AK9: variants seen among roughly 807,000 people sequenced by gnomAD.
The protein encoded by AK9 is adenylate kinase domain containing 1.
A neutral mutation model predicts 239.6 loss-of-function variants in AK9; 191 were observed. The observed-to-expected ratio is 0.80, with a 90% CI of 0.71 to 0.90. AK9 has a LOEUF of 0.90. Ranked by LOEUF, AK9 falls within the 40% of genes least tolerant of loss-of-function variation. The pLI, the probability that AK9 is intolerant of heterozygous loss-of-function variation, is 0.00. For synonymous variants in AK9, 689 were observed against 721.0 expected, an observed-to-expected ratio of 0.96 and a Z score of 0.71; for missense variants, 1,995 against 2,214.7, an observed-to-expected ratio of 0.90 and a Z score of 1.99.
intron 8 of AK9, among the ~76,000 whole-genome samples, chr6:109,649,165 C>T (rs1458423978): frequency 2.0e-5 from 3 of 152,072 alleles, no homozygotes; most frequent in East Asian, 1.9e-4. Context: ...GGAAGCATTC[C>T]CTTTGAAAAC....
chr6:109,682,625 C>T (rs1223471207), intron 1 of AK9, among the ~76,000 whole-genome samples: 1 of 151,984 alleles, frequency 6.6e-6, no homozygotes, highest in African/African-American at 2.4e-5. Context: ...AAACACCTCT[C>T]AGCAAATAAA....
intron 19 of AK9, among the ~76,000 whole-genome samples, chr6:109,584,422 CT>C (rs1361328993): frequency 6.6e-6 from 1 of 152,060 alleles, no homozygotes; most frequent in Non-Finnish European, 1.5e-5. Context: ...GCCTTTATTA[CT>C]TTGAATAGTA....
intron 29 of AK9, chr6:109,528,653 G>GAA: frequency 2.2e-6 from 1 of 465,114 alleles, no homozygotes; most frequent in South Asian, 1.5e-5. Context: ...GCAGTCCTCT[G>GAA]TACGGAAGTC....
chr6:109,546,738 A>G (rs1222138292), intron 25 of AK9, among the ~76,000 whole-genome samples: 1 of 152,152 alleles, frequency 6.6e-6, no homozygotes, highest in Non-Finnish European at 1.5e-5. Flanking sequence ...TTGCAAGGGG[A>G]AGGAGAAAAA....
intron 17 of AK9, among the ~76,000 whole-genome samples, chr6:109,593,481 A>G (rs1464597793): frequency 6.6e-6 from 1 of 152,162 alleles, no homozygotes; most frequent in African/African-American, 2.4e-5. Context: ...TCCAAACGAC[A>G]GAAAAAGAGG....
At chr6:109,522,123 G>A (rs527570837) in intron 29 of AK9, among the ~76,000 whole-genome samples, 1 of 151,954 alleles carries the variant, frequency 6.6e-6, no homozygotes, top group Non-Finnish European at 1.5e-5. Flanking sequence ...TTACTATCCA[G>A]TATTGTTACT....
intron 17 of AK9, among the ~76,000 whole-genome samples, chr6:109,598,614 G>C (rs1428758065): frequency 6.6e-6 from 1 of 152,154 alleles, no homozygotes; most frequent in Non-Finnish European, 1.5e-5. Flanking sequence ...GGGTCAAATG[G>C]TATTTCTAGT....
chr6:109,495,719 C>T (rs73762760), intron 38 of AK9, among the ~76,000 whole-genome samples: 3 of 152,116 alleles, frequency 2.0e-5, no homozygotes, highest in African/African-American at 4.8e-5. Flanking sequence ...AATGCCCCCT[C>T]ACCCCCAGGC....
intron 12 of AK9, chr6:109,631,997 T>A (rs1238219169): frequency 4.6e-6 from 1 of 216,316 alleles, no homozygotes; most frequent in Non-Finnish European, 7.9e-6. Flanking sequence ...GCCATAAAAT[T>A]CTGGGCAGTG....
chr6:109,602,530 G>A (rs1353819012), intron 17 of AK9, among the ~76,000 whole-genome samples: 4 of 152,056 alleles, frequency 2.6e-5, no homozygotes, highest in Non-Finnish European at 5.9e-5. Flanking sequence ...TTCAACTTTG[G>A]TGAATCTGAC....
chr6:109,684,873 C>CAAAAAAAAAAA (rs60500211), intron 1 of AK9, among the ~76,000 whole-genome samples: 12 of 21,868 alleles, frequency 5.5e-4, no homozygotes, highest in Admixed American at 1.7e-3. Flanking sequence ...GACTCCGTCT[C>CAAAAAAAAAAA]AAAAAAAAAA....
At chr6:109,601,915 T>G (rs1003014963) in intron 17 of AK9, among the ~76,000 whole-genome samples, 4 of 152,252 alleles carry the variant, frequency 2.6e-5, no homozygotes, top group African/African-American at 9.6e-5. Context: ...TTTTTTTGCT[T>G]TCCAATTGCT....
At chr6:109,654,386 T>C (rs1368544314) in intron 8 of AK9, among the ~76,000 whole-genome samples, 2 of 152,062 alleles carry the variant, frequency 1.3e-5, no homozygotes, top group South Asian at 2.1e-4. Context: ...TCATCCAGGT[T>C]GGAGGCACAA....
At chr6:109,514,522 T>G in intron 31 of AK9, 85 bp from the exon 32 acceptor site, 2 of 1,209,080 alleles carry the variant, frequency 1.7e-6, no homozygotes, top group Non-Finnish European at 2.3e-6. Flanking sequence ...AAACAATTCG[T>G]GACATAAGAA....
At chr6:109,645,878 A>G (rs1797993820) in intron 8 of AK9, among the ~76,000 whole-genome samples, 1 of 152,208 alleles carries the variant, frequency 6.6e-6, no homozygotes, top group Non-Finnish European at 1.5e-5. Flanking sequence ...ATCAGGCAGC[A>G]ACATTTGCTG....
At chr6:109,548,344 A>G (rs1013593211) in intron 25 of AK9, among the ~76,000 whole-genome samples, 1 of 152,224 alleles carries the variant, frequency 6.6e-6, no homozygotes, top group Non-Finnish European at 1.5e-5. Flanking sequence ...AACAGCCCCT[A>G]TCAGAGCAAC....
intron 26 of AK9, among the ~76,000 whole-genome samples, chr6:109,543,524 T>G (rs778817291): frequency 1.4e-4 from 22 of 152,136 alleles, no homozygotes; most frequent in Non-Finnish European, 2.2e-4. Context: ...CTTGGCTCAC[T>G]GCAACCTCCG....
At chr6:109,661,920 T>C (rs1800473396) in intron 6 of AK9, among the ~76,000 whole-genome samples, 1 of 152,238 alleles carries the variant, frequency 6.6e-6, no homozygotes, top group Non-Finnish European at 1.5e-5. Flanking sequence ...TACCAAATTC[T>C]AATAATAAAA....
chr6:109,658,475 T>C (rs1175466782), intron 7 of AK9, among the ~76,000 whole-genome samples: 2 of 152,170 alleles, frequency 1.3e-5, no homozygotes, highest in African/African-American at 4.8e-5. Context: ...AGCAAAGGGT[T>C]AGACTTAGGC....
Sources: allele counts gnomAD v4.1 joint callset (sites outside exome capture counted in the v4.1 genomes callset), GRCh38; gene constraint gnomAD v4.1.1; transcripts MANE v1.5; gene names NCBI Gene and HGNC (gene_info 2026-07-23, HGNC 2026-07-21).